Variants in P3H2 observed in about 807,000 individuals in gnomAD.
The protein encoded by P3H2 is leprecan-like 1.
P3H2 carries 80 observed loss-of-function variants against 87.0 expected under a neutral mutation model. That is an observed-to-expected ratio of 0.92 (90% CI 0.77 to 1.11). The LOEUF is 1.11. Ranked by LOEUF, P3H2 falls within the 50% of genes least tolerant of loss-of-function variation. P3H2 has a pLI of 0.00. For synonymous variants in P3H2, 367 were observed against 359.3 expected, an observed-to-expected ratio of 1.02 and a Z score of -0.24; for missense variants, 1,001 against 923.9, an observed-to-expected ratio of 1.08 and a Z score of -1.08.
chr3:189,973,511 CT>C (rs869099221), intron 10 of P3H2, among the ~76,000 whole-genome samples: 5,272 of 35,504 alleles, frequency 0.15, 217 homozygotes, highest in Middle Eastern at 0.31. Flanking sequence ...TTCTTTCTTT[CT>C]TTTTTTTTTT....
intron 14 of P3H2, chr3:189,963,753 G>A (rs866104824): frequency 4.9e-6 from 3 of 611,582 alleles, no homozygotes; most frequent in South Asian, 3.8e-5. Flanking sequence ...CTTACAATTT[G>A]TTAATAAGCT....
At chr3:190,014,385 C>G (rs1043230245) in intron 1 of P3H2, among the ~76,000 whole-genome samples, 4 of 152,204 alleles carry the variant, frequency 2.6e-5, no homozygotes, top group African/African-American at 9.7e-5. Context: ...AAGTAAGGCT[C>G]TACCTAAAGG....
intron 1 of P3H2, among the ~76,000 whole-genome samples, chr3:190,025,917 A>G (rs2108943919): frequency 6.6e-6 from 1 of 152,362 alleles, no homozygotes; most frequent in East Asian, 1.9e-4. Context: ...CTGGATTTAC[A>G]GTACACTTTT....
chr3:190,088,972 G>A (rs1444654858), intron 1 of P3H2, among the ~76,000 whole-genome samples: 3 of 152,154 alleles, frequency 2.0e-5, no homozygotes, highest in Admixed American at 2.0e-4. Flanking sequence ...GTGAAAACCA[G>A]AGGGAACAAG....
chr3:189,979,266 C>T (rs2037714), intron 8 of P3H2, among the ~76,000 whole-genome samples: 77,138 of 150,344 alleles, frequency 0.51, 20,490 homozygotes, highest in East Asian at 0.79. Flanking sequence ...TCTACTAAAA[C>T]ACAAAAAAAA....
At chr3:190,101,158 C>T (rs1158111715) in intron 1 of P3H2, among the ~76,000 whole-genome samples, 1 of 151,850 alleles carries the variant, frequency 6.6e-6, no homozygotes, top group Non-Finnish European at 1.5e-5. Flanking sequence ...TCTCCCTGTC[C>T]TCAGGCCTCC....
intron 1 of P3H2, among the ~76,000 whole-genome samples, chr3:190,117,650 T>G (rs1712343476): frequency 6.6e-6 from 1 of 151,514 alleles, no homozygotes; most frequent in South Asian, 2.1e-4. Context: ...GAGAGGTTTT[T>G]TTTTTTTTTT....
intron 1 of P3H2, among the ~76,000 whole-genome samples, chr3:190,055,113 A>C (rs1726109017): frequency 6.6e-6 from 1 of 152,140 alleles, no homozygotes; most frequent in African/African-American, 2.4e-5. Flanking sequence ...CCCCAATAGA[A>C]ACAGGAAAGT....
chr3:189,983,668 G>A lies in P3H2; in HGVS notation c.1230-528C>T, dbSNP rs375389533. Among the ~76,000 whole-genome samples, 391 of 152,180 alleles carry A rather than the reference G, an allele frequency of 2.6e-3. 2 individuals are homozygous for A. The highest frequency in any genetic ancestry group is 0.021 in the South Asian group (100 of 4,812). On this transcript the variant is annotated intron_variant, in intron 7 of 14. Transcript: ENST00000319332. The stretch of plus-strand genomic sequence containing the variant: ...GTGTATATACATTCTTGGATCTCTC[G>A]AAATAATTTTATGCCACCCAAGGGT...
chr3:189,999,758 T>C (rs556020631), intron 1 of P3H2, among the ~76,000 whole-genome samples: 23 of 152,294 alleles, frequency 1.5e-4, no homozygotes, highest in African/African-American at 5.3e-4. Context: ...GGGAATAATC[T>C]GACATGAAGA....
At chr3:190,075,695 A>C (rs905763723) in intron 1 of P3H2, among the ~76,000 whole-genome samples, 6 of 151,922 alleles carry the variant, frequency 3.9e-5, no homozygotes, top group Non-Finnish European at 1.5e-5. Flanking sequence ...AAGAGGGAGA[A>C]ACATCAAGAA....
intron 1 of P3H2, among the ~76,000 whole-genome samples, chr3:190,003,495 T>TAAA (rs5855293): frequency 1.4e-5 from 2 of 146,012 alleles, no homozygotes; most frequent in South Asian, 2.2e-4. Context: ...CCCTTGATGT[T>TAAA]AAAAAAAAAA....
intron 1 of P3H2, among the ~76,000 whole-genome samples, chr3:190,109,845 CTTTTTT>C (rs141845406): frequency 9.6e-5 from 12 of 124,566 alleles, no homozygotes; most frequent in Non-Finnish European, 8.3e-5. Context: ...GATGCCCAGT[CTTTTTT>C]TTTTTTTTTT....
upstream of P3H2, chr3:190,121,624 C>T (rs1712598717): frequency 6.6e-6 from 1 of 152,190 alleles, no homozygotes; most frequent in Non-Finnish European, 1.5e-5. Context: ...CCTGCCTTTC[C>T]TGTGCAGCCC....
chr3:189,963,799 C>T (rs2108902870), intron 14 of P3H2, 159 bp downstream of exon 14: 1 of 750,484 alleles, frequency 1.3e-6, no homozygotes. Flanking sequence ...ATCATTGACA[C>T]AGCTATTTCT....
chr3:190,022,251 A>C lies in P3H2; in HGVS notation c.481-26809T>G, dbSNP rs1724945185. Among the ~76,000 whole-genome samples the C allele has an allele frequency of 1.5e-5, 2 of 135,476 alleles. 1 individual carries two copies. The highest frequency in any genetic ancestry group is 3.3e-5 in the Non-Finnish European group (2 of 60,562). The allele number at this position is 135,476 out of a possible 152,430, so 88.9% of individuals were successfully genotyped here. A position where few individuals can be genotyped will look rare whatever the true frequency, so the allele number is the denominator to read the frequency against. On this transcript the variant is annotated intron_variant, in intron 1 of 14. Coordinates refer to ENST00000319332, the MANE Select transcript of P3H2 (RefSeq NM_018192.4). ...AAAATTTACATATGTAACATTTGTGACTTTAGCTCTCTGGAAATGACCAAA... is the reference window on the plus strand; with the variant it reads ...AAAATTTACATATGTAACATTTGTGCCTTTAGCTCTCTGGAAATGACCAAA...
At chr3:189,995,193 T>C in intron 2 of P3H2, 97 bp downstream of exon 2, 1 of 1,173,776 alleles carries the variant, frequency 8.5e-7, no homozygotes, top group Admixed American at 1.8e-5. Flanking sequence ...GAGAATAAAC[T>C]TTATGAGATA....
chr3:190,049,575 G>T (rs919424097), intron 1 of P3H2, among the ~76,000 whole-genome samples: 6 of 152,174 alleles, frequency 3.9e-5, no homozygotes, highest in African/African-American at 1.4e-4. Flanking sequence ...TGAGGCAGTT[G>T]AGATTCTTAA....
At chr3:190,057,746 C>T (rs972188227) in intron 1 of P3H2, among the ~76,000 whole-genome samples, 1 of 152,106 alleles carries the variant, frequency 6.6e-6, no homozygotes, top group South Asian at 2.1e-4. Context: ...AATAAAAACC[C>T]AAACTTTGGC....
Sources: allele counts gnomAD v4.1 joint callset (sites outside exome capture counted in the v4.1 genomes callset), GRCh38; gene constraint gnomAD v4.1.1; transcripts MANE v1.5; gene names NCBI Gene and HGNC (gene_info 2026-07-23, HGNC 2026-07-21).